The following STAG1 variants were observed in gnomAD, a reference collection of about 807,000 sequenced individuals.
The protein encoded by STAG1 is STAG1 cohesin complex component, also known as cohesin subunit SA-1.
A neutral mutation model predicts 170.9 loss-of-function variants in STAG1; 26 were observed. The observed-to-expected ratio is 0.15, with a 90% CI of 0.11 to 0.21. The LOEUF (loss-of-function observed/expected upper bound fraction) is 0.21. STAG1 is among the 10% of genes least tolerant of loss of function. STAG1 has a pLI of 1.00. For synonymous variants in STAG1, 514 were observed against 497.7 expected (o/e 1.03, Z -0.44); for missense variants, 964 against 1,509.5 (o/e 0.64, Z 5.99).
intron 20 of STAG1, among the ~76,000 whole-genome samples, chr3:136,418,385 A>C (rs1455356569): frequency 2.6e-5 from 3 of 117,320 alleles, no homozygotes; most frequent in Non-Finnish European, 3.9e-5. Flanking sequence ...AAAAAAAAAA[A>C]AAAAAAAAAA....
intron 4 of STAG1, among the ~76,000 whole-genome samples, chr3:136,592,072 T>C (rs1320100001): frequency 6.6e-6 from 1 of 152,060 alleles, no homozygotes; most frequent in Admixed American, 6.6e-5. Flanking sequence ...GGAAGGGAAG[T>C]TGGGGATGAT....
At chr3:136,384,468 A>G (rs1689190519) in intron 22 of STAG1, among the ~76,000 whole-genome samples, 1 of 150,522 alleles carries the variant, frequency 6.6e-6, no homozygotes, top group African/African-American at 2.4e-5. Flanking sequence ...GAAGAAAAAA[A>G]AAAAAAAAAG....
intron 1 of STAG1, among the ~76,000 whole-genome samples, chr3:136,686,754 TTG>T (rs1267354543): frequency 6.6e-6 from 1 of 152,194 alleles, no homozygotes; most frequent in Non-Finnish European, 1.5e-5. Flanking sequence ...TCTTCTATAA[TTG>T]TGTTTTTACT....
At chr3:136,468,075 C>G (rs1309280582) in intron 12 of STAG1, among the ~76,000 whole-genome samples, 1 of 152,088 alleles carries the variant, frequency 6.6e-6, no homozygotes, top group Admixed American at 6.6e-5. Flanking sequence ...AAATTGACAA[C>G]CTAACATCAC....
intron 29 of STAG1, among the ~76,000 whole-genome samples, chr3:136,345,467 T>G (rs575269): frequency 0.3 from 42,704 of 142,258 alleles, 7,084 homozygotes; most frequent in East Asian, 0.76. Flanking sequence ...TTTTTTTTTT[T>G]TTTTTTTTTT....
At chr3:136,733,955 A>T (rs992258813) in intron 1 of STAG1, among the ~76,000 whole-genome samples, 2 of 151,950 alleles carry the variant, frequency 1.3e-5, no homozygotes, top group Non-Finnish European at 2.9e-5. Context: ...AAAATACAAA[A>T]AATTAGCCGG....
At chr3:136,495,158 T>C (rs1374500606) in intron 9 of STAG1, among the ~76,000 whole-genome samples, 1 of 152,222 alleles carries the variant, frequency 6.6e-6, no homozygotes, top group Non-Finnish European at 1.5e-5. Context: ...GGTCAATTCA[T>C]CTTCAAGAGA....
chr3:136,709,301 A>G (rs982653909), intron 1 of STAG1, among the ~76,000 whole-genome samples: 7 of 151,618 alleles, frequency 4.6e-5, no homozygotes, highest in Admixed American at 1.3e-4. Flanking sequence ...AAAAAAACAA[A>G]AAAAGACAGG....
At chr3:136,515,495 A>G (rs918489747) in intron 7 of STAG1, among the ~76,000 whole-genome samples, 2 of 152,232 alleles carry the variant, frequency 1.3e-5, no homozygotes, top group Non-Finnish European at 2.9e-5. Context: ...GCTTCCCAAT[A>G]CTACCACGAG....
intron 1 of STAG1, among the ~76,000 whole-genome samples, chr3:136,685,790 T>G (rs1174438961): frequency 6.6e-6 from 1 of 152,164 alleles, no homozygotes; most frequent in African/African-American, 2.4e-5. Flanking sequence ...GGGACTAGTA[T>G]GCCGAGTATC....
chr3:136,516,591 T>C (rs904446610), intron 7 of STAG1, among the ~76,000 whole-genome samples: 5 of 152,196 alleles, frequency 3.3e-5, no homozygotes, highest in Admixed American at 1.3e-4. Context: ...GTTTATCTAC[T>C]TGTTTATTTA....
At chr3:136,343,182 G>C (rs1016844113) in intron 30 of STAG1, among the ~76,000 whole-genome samples, 3 of 152,172 alleles carry the variant, frequency 2.0e-5, no homozygotes, top group Non-Finnish European at 1.5e-5. Context: ...GGAGCTCAAA[G>C]AATTTCAAAG....
Position 136,428,934 on chromosome 3 carries a change from A to G in STAG1, c.1650+4622T>C, listed in dbSNP as rs538373544. On this transcript the variant is annotated intron_variant, in intron 16 of 33. Transcript: ENST00000383202. ...AGAATCACCTGAGGAAAGGAATTCGAGACCAGCCTGGCCAACATGGTGAAA... is the reference window on the plus strand; with the variant it reads ...AGAATCACCTGAGGAAAGGAATTCGGGACCAGCCTGGCCAACATGGTGAAA... Among the ~76,000 whole-genome samples the G allele has an allele frequency of 1.4e-4, 21 of 152,378 alleles. No homozygotes were observed. In the South Asian group the frequency reaches 4.3e-3, roughly 32 times the overall value.
chr3:136,528,494 A>G (rs946890838), intron 6 of STAG1, among the ~76,000 whole-genome samples: 1 of 71,400 alleles, frequency 1.4e-5, no homozygotes, highest in Non-Finnish European at 2.6e-5. Context: ...ATGTCCCCGC[A>G]CCCCCCCCCC....
chr3:136,608,487 T>C (rs1467985057), intron 3 of STAG1, among the ~76,000 whole-genome samples: 3 of 148,232 alleles, frequency 2.0e-5, no homozygotes, highest in Non-Finnish European at 3.0e-5. Context: ...GCCGTGATTA[T>C]AGCACTGTAC....
At chr3:136,479,060 CTTTT>C (rs66966875) in intron 9 of STAG1, among the ~76,000 whole-genome samples, 9 of 125,190 alleles carry the variant, frequency 7.2e-5, no homozygotes, top group East Asian at 6.5e-4. Context: ...TATAATCTTT[CTTTT>C]TTTTTTTTTT....
chr3:136,341,233 C>G (rs984951419), intron 31 of STAG1, among the ~76,000 whole-genome samples: 8 of 152,182 alleles, frequency 5.3e-5, no homozygotes, highest in Non-Finnish European at 7.4e-5. Flanking sequence ...AGAGCTTGTC[C>G]AAGGCCATGC....
intron 1 of STAG1, among the ~76,000 whole-genome samples, chr3:136,734,895 G>A (rs1934250187): frequency 6.6e-6 from 1 of 152,178 alleles, no homozygotes; most frequent in Non-Finnish European, 1.5e-5. Context: ...ATTATGTTAA[G>A]TGAAATAAGC....
At position 136,682,997 on chromosome 3, in the gene STAG1, C is replaced by A. The variant is rs142547332; in HGVS notation, c.-83-52016G>T. On this transcript the variant is annotated intron_variant, in intron 1 of 33. Transcript: ENST00000383202. ...TGAACCTTGAGGATATTGTGTTAAG[C>A]GAAATAAGTCAGACACAAATATACA... Among the ~76,000 whole-genome samples, 367 of 152,126 alleles carry A rather than the reference C, an allele frequency of 2.4e-3. 3 individuals are homozygous for A. The highest frequency in any genetic ancestry group is 8.5e-3 in the African/African-American group (351 of 41,520).
Sources: allele counts gnomAD v4.1 joint callset (sites outside exome capture counted in the v4.1 genomes callset), GRCh38; gene constraint gnomAD v4.1.1; transcripts MANE v1.5; gene names NCBI Gene and HGNC (gene_info 2026-07-23, HGNC 2026-07-21).